Variants in NAB2 observed in about 807,000 individuals in gnomAD.
NAB2 encodes the protein NGFI-A-binding protein 2.
Under a neutral mutation model 44.2 loss-of-function variants are expected in NAB2, and 9 were observed. That is an observed-to-expected ratio of 0.20 (90% CI 0.12 to 0.36). NAB2 has a LOEUF of 0.36. NAB2 is among the 10% of genes least tolerant of loss of function. The pLI, the probability that NAB2 is intolerant of heterozygous loss-of-function variation, is 1.00. For synonymous variants in NAB2, 342 were observed against 291.0 expected (o/e 1.18, Z -1.78); for missense variants, 514 against 709.0 (o/e 0.73, Z 3.12).
intron 6 of NAB2, 118 bp from the exon 7 acceptor site, chr12:57,094,494 C>A: frequency 2.4e-6 from 2 of 822,854 alleles, no homozygotes; most frequent in Non-Finnish European, 2.0e-6. Context: ...GGCAGTAATT[C>A]AATAAACCTA....
rs374191625 is a variant in NAB2 at position 57,091,713 on chromosome 12, G to C, written c.672G>C (p.Gly224=). 4.3e-6 allele frequency: 7 copies of C among 1,613,774 alleles called. No individual in the cohort carries two copies. Among genetic ancestry groups the C allele is most frequent in the African/African-American group, 1.3e-5 (1 of 74,930 alleles). The change falls in exon 2 of 7, where the codon GGG becomes GGC. Residue 224 remains glycine, a synonymous_variant. Coordinates refer to ENST00000300131, the MANE Select transcript of NAB2 (RefSeq NM_005967.4). The surrounding 1 kb of genome is among the most constrained non-coding windows in gnomAD (Gnocchi z 7.3). Reference sequence around the variant, plus strand: ...TCCCTGAGGGGACTGGGGCTGGGGGGCTGGCAGCAGGTGGGACTGGGGGTG... The same window carrying C: ...TCCCTGAGGGGACTGGGGCTGGGGGCCTGGCAGCAGGTGGGACTGGGGGTG... ...GGVPEGTGAG[G]LAAGGTGGGP...
Position 57,089,365 on chromosome 12 carries a change from A to G in NAB2, c.83+11A>G, listed in dbSNP as rs1202538850. On this transcript the variant is annotated intron_variant, in intron 1 of 6. Transcript: ENST00000300131. ...GCAGCCCAGACTCAAGTTAGTGGGCAAAGGGAGGCAGCGGGGAGTGGAGAT... is the reference window on the plus strand; with the variant it reads ...GCAGCCCAGACTCAAGTTAGTGGGCGAAGGGAGGCAGCGGGGAGTGGAGAT... 6.4e-7 allele frequency: 1 copy of G among 1,562,836 alleles called. No individual in the cohort carries two copies. Among genetic ancestry groups the G allele is most frequent in the East Asian group, 2.3e-5 (1 of 42,786 alleles).
chr12:57,093,071 A>G lies in NAB2; in HGVS notation c.1152A>G (p.Glu384=), dbSNP rs377258109. The G allele has an allele frequency of 8.1e-6, 13 of 1,613,278 alleles. No homozygotes were observed. The highest frequency in any genetic ancestry group is 9.3e-6 in the Non-Finnish European group (11 of 1,179,462). Residue 384 remains glutamate (E), a synonymous_variant, in exon 5 of 7, where the codon GAA becomes GAG. Coordinates refer to ENST00000300131, the MANE Select transcript of NAB2 (RefSeq NM_005967.4). ...ATGTTGGGCATCCACAGGTTGGAGA[A>G]CAGAGTCACCCTGAAATCCAGCAGC... ...PLKKLKQEVG[E]QSHPEIQQPP...
intron 1 of NAB2, among the ~76,000 whole-genome samples, chr12:57,089,741 C>CCGGGGTCTTGGAGAAGG: frequency 6.6e-6 from 1 of 150,566 alleles, no homozygotes; most frequent in South Asian, 2.1e-4. Flanking sequence ...GCGCGGGCCC[C>CCGGGGTCTTGGAGAAGG]CGGTGCCTTT....
Position 57,089,137 on chromosome 12 carries a change from G to A in NAB2, c.-135G>A. 1 of 923,026 alleles carries A rather than the reference G, an allele frequency of 1.1e-6. No individual in the cohort carries two copies. Among genetic ancestry groups the A allele is most frequent in the Non-Finnish European group, 1.6e-6 (1 of 609,862 alleles). 57.2% of individuals were successfully genotyped at this position (923,026 alleles called of 1,614,324 possible). On this transcript the variant is annotated 5_prime_UTR_variant, in exon 1 of 7. Coordinates refer to ENST00000300131, the MANE Select transcript of NAB2 (RefSeq NM_005967.4). ...ACAGACAGAGGCGCGGAGGCTCGGA[G>A]AGAGAAGACGTGGAGGGAGGGACAG...
At position 57,095,300 on chromosome 12, in the gene NAB2, G is replaced by A. The variant is rs1001796467; in HGVS notation, c.*579G>A. The stretch of plus-strand genomic sequence containing the variant: ...TCCCTGCCCTACATAGGGGCGGTGG[G>A]TGTGGGATCCCTTCACTGGCCCCCT... On this transcript the variant is annotated 3_prime_UTR_variant, in exon 7 of 7. Transcript: ENST00000300131. 2.0e-5 allele frequency: 3 copies of A among 153,496 alleles called. No individual in the cohort carries two copies. Among genetic ancestry groups the A allele is most frequent in the African/African-American group, 7.2e-5 (3 of 41,440 alleles). 9.5% of individuals were successfully genotyped at this position (153,496 alleles called of 1,614,324 possible). A position where few individuals can be genotyped will look rare whatever the true frequency, so the allele number is the denominator to read the frequency against.
At chr12:57,093,667 C>G in intron 6 of NAB2, 69 bp downstream of exon 6, 1 of 1,396,530 alleles carries the variant, frequency 7.2e-7, no homozygotes, top group Non-Finnish European at 9.4e-7. Flanking sequence ...ATTCTGGTGT[C>G]CTGGGGCCAG....
chr12:57,092,564 C>T lies in NAB2; in HGVS notation c.1074C>T (p.Ser358=), dbSNP rs2033213441. ...RQVARESTYL[S]SLKGSRLHPE... ...TAGCCCGAGAGAGCACCTACTTGTCCTCCTTGAAGGGCTCCAGGTGAGACC... is the reference window on the plus strand; with the variant it reads ...TAGCCCGAGAGAGCACCTACTTGTCTTCCTTGAAGGGCTCCAGGTGAGACC... Residue 358 remains serine, a synonymous_variant, in exon 3 of 7, where the codon TCC becomes TCT. Coordinates refer to ENST00000300131, the MANE Select transcript of NAB2 (RefSeq NM_005967.4). The T allele has an allele frequency of 3.1e-6, 5 of 1,614,176 alleles. No individual in the cohort carries two copies. The highest frequency in any genetic ancestry group is 1.3e-5 in the African/African-American group (1 of 75,034).
Position 57,089,184 on chromosome 12 carries a change from G to A in NAB2, c.-88G>A. The stretch of plus-strand genomic sequence containing the variant: ...ACAGAGCCTGGACAGCGGTGGACAC[G>A]GCATCGTGCGCGGGGAAGAGGGCAG... On this transcript the variant is annotated 5_prime_UTR_variant, in exon 1 of 7. Coordinates refer to ENST00000300131, the MANE Select transcript of NAB2 (RefSeq NM_005967.4). The A allele has an allele frequency of 7.4e-7, 1 of 1,352,230 alleles. No homozygotes were observed. Among genetic ancestry groups the A allele is most frequent in the South Asian group, 1.3e-5 (1 of 79,568 alleles). The allele number at this position is 1,352,230 out of a possible 1,614,324, so 83.8% of individuals were successfully genotyped here. A position where few individuals can be genotyped will look rare whatever the true frequency, so the allele number is the denominator to read the frequency against.
At chr12:57,089,494 T>A in intron 1 of NAB2, 140 bp downstream of exon 1, 20 of 671,630 alleles carry the variant, frequency 3.0e-5, no homozygotes, top group East Asian at 6.8e-5. Flanking sequence ...GAAAAGGGGG[T>A]GCGTCTTCGA....
chr12:57,091,735 G>A lies in NAB2; in HGVS notation c.694G>A (p.Gly232Ser), dbSNP rs1442336450. 1.2e-6 allele frequency: 2 copies of A among 1,614,058 alleles called. No individual in the cohort carries two copies. The highest frequency in any genetic ancestry group is 1.7e-5 in the Admixed American group (1 of 60,036). The part of the protein sequence containing the change: ...AGGLAAGGTG[G>S]GPDRLEPEMV... ...GGGGCTGGCAGCAGGTGGGACTGGG[G>A]GTGGTCCAGACCGACTGGAGCCAGA... Residue 232 changes from glycine to serine, a missense_variant, in exon 2 of 7, where the codon GGT becomes AGT. By Grantham distance (56) the Gly-to-Ser change is moderately conservative. Around this residue, in one of 5 missense-constraint regions of NAB2, gnomAD observed 177 missense variants for 200.5 expected, o/e 0.88. Coordinates refer to ENST00000300131, the MANE Select transcript of NAB2 (RefSeq NM_005967.4). The surrounding 1 kb of genome is among the most constrained non-coding windows in gnomAD (Gnocchi z 7.3).
At chr12:57,093,360 G>T in intron 5 of NAB2, 47 bp from the exon 6 acceptor site, 1 of 1,487,162 alleles carries the variant, frequency 6.7e-7, no homozygotes, top group South Asian at 1.4e-5. Flanking sequence ...GAGGGTGGGG[G>T]TTCCATTGGC....
At chr12:57,092,219 C>G (rs1381473380) in intron 2 of NAB2, 4 of 1,032,476 alleles carry the variant, frequency 3.9e-6, no homozygotes, top group Non-Finnish European at 5.5e-6. Context: ...TGTTCAGCTC[C>G]TTGTCACTCA....
rs758907033 is a variant in NAB2, at chr12:57,089,363, G to A, written c.83+9G>A. The A allele has an allele frequency of 1.3e-6, 2 of 1,562,270 alleles. No individual in the cohort carries two copies. Among genetic ancestry groups the A allele is most frequent in the South Asian group, 2.3e-5 (2 of 85,130 alleles). On this transcript the variant is annotated intron_variant, in intron 1 of 6. Transcript: ENST00000300131. ...CTGCAGCCCAGACTCAAGTTAGTGG[G>A]CAAAGGGAGGCAGCGGGGAGTGGAG...
chr12:57,089,307 G>T lies in NAB2; in HGVS notation c.36G>T (p.Pro12=), dbSNP rs770680319. Residue 12 remains proline (P), a synonymous_variant, in exon 1 of 7, where the codon CCG becomes CCT. Coordinates refer to ENST00000300131, the MANE Select transcript of NAB2 (RefSeq NM_005967.4). The part of the protein sequence containing the change: ...HRAPSPTAEQ[P]PGGGDSARRT... ...CGCCTTCCCCCACAGCCGAGCAGCCGCCGGGCGGAGGGGACAGCGCCCGCC... is the reference window on the plus strand; with the variant it reads ...CGCCTTCCCCCACAGCCGAGCAGCCTCCGGGCGGAGGGGACAGCGCCCGCC... The T allele has an allele frequency of 8.9e-6, 14 of 1,578,920 alleles. No individual in the cohort carries two copies. Among genetic ancestry groups the T allele is most frequent in the Non-Finnish European group, 1.2e-5 (14 of 1,162,878 alleles).
intron 2 of NAB2, 72 bp from the exon 3 acceptor site, chr12:57,092,376 G>A: frequency 6.4e-7 from 1 of 1,570,652 alleles, no homozygotes; most frequent in Non-Finnish European, 8.7e-7. Flanking sequence ...AATGGTGAAG[G>A]GGTGTGAGGA....
Position 57,091,839 on chromosome 12 carries a change from C to T in NAB2, c.798C>T (p.Ser266=), listed in dbSNP as rs532525537. Residue 266 remains serine (S), a synonymous_variant, in exon 2 of 7, where the codon TCC becomes TCT. Transcript: ENST00000300131. This position sits in a 1 kb window ranked among gnomAD's most constrained non-coding sequence, Gnocchi z 7.3. The part of the protein sequence containing the change: ...FPRGDAGEVT[S]LLKLNKKLAR... ...GGGGGGATGCTGGGGAGGTCACATC[C>T]CTGCTAAAGCTGAATAAGAAGCTGG... The T allele has an allele frequency of 4.3e-6, 7 of 1,614,152 alleles. No homozygotes were observed. The highest frequency in any genetic ancestry group is 4.0e-5 in the African/African-American group (3 of 75,036).
rs979574937 is a variant in NAB2, at chr12:57,089,453, G to A, written c.83+99G>A. The A allele has an allele frequency of 1.1e-5, 8 of 708,272 alleles. No homozygotes were observed. In the African/African-American group the frequency reaches 1.5e-4, roughly 14 times the overall value. The allele number at this position is 708,272 out of a possible 1,614,324, so 43.9% of individuals were successfully genotyped here. On this transcript the variant is annotated intron_variant, in intron 1 of 6. Transcript: ENST00000300131. ...GAGGTCGAGGGGAGGACGTGGGGAA[G>A]CAGGACGGGGGTGGGGGGTGGAGAC...
chr12:57,093,114 T>C lies in NAB2; in HGVS notation c.1195T>C (p.Ser399Pro). 1 of 1,613,584 alleles carries C rather than the reference T, an allele frequency of 6.2e-7. No homozygotes were observed. Among genetic ancestry groups the C allele is most frequent in the Middle Eastern group, 1.7e-4 (1 of 6,058 alleles). ...EIQQPPPGPE[S>P]YVPPYRPSLE... ...CCAGCAGCCTCCCCCAGGCCCTGAG[T>C]CCTATGTACCCCCATACCGCCCCAG... Residue 399 changes from serine to proline, a missense_variant, in exon 5 of 7, where the codon TCC becomes CCC. This residue lies in a region of NAB2 where 194 missense variants were observed against 223.9 expected (regional missense o/e 0.87). Coordinates refer to ENST00000300131, the MANE Select transcript of NAB2 (RefSeq NM_005967.4).
Sources: gnomAD v4.1 joint callset for allele counts (sites outside exome capture counted in the v4.1 genomes callset) on GRCh38, gnomAD v4.1.1 for gene constraint, gnomAD v4.1.1 regional missense constraint, Gnocchi (gnomAD v3.1) non-coding constraint, MANE v1.5 for transcripts, NCBI Gene and HGNC (gene_info 2026-07-23, HGNC 2026-07-21) for gene names.